Variants in RREB1 observed in about 807,000 individuals in gnomAD.
RREB1 encodes ras responsive element binding protein 1.
A neutral mutation model predicts 117.8 loss-of-function variants in RREB1; 27 were observed. The ratio of observed to expected loss-of-function variants is 0.23; its 90% confidence interval spans 0.17 to 0.32. The LOEUF (loss-of-function observed/expected upper bound fraction) is 0.32. Among genes scored for constraint, RREB1 ranks in the 10% least tolerant of loss-of-function variants. RREB1 has a pLI of 1.00. For missense variants in RREB1, 2,577 were observed against 2,378.2 expected (o/e 1.08, Z -1.74); for synonymous variants, 1,298 against 1,026.7 (o/e 1.26, Z -5.05).
At position 7,231,595 on chromosome 6, in the gene RREB1, A is replaced by G. The variant is rs1158475004; in HGVS notation, c.3496A>G (p.Asn1166Asp). 6.2e-7 allele frequency: 1 copy of G among 1,611,902 alleles called. No homozygotes were observed. Among genetic ancestry groups the G allele is most frequent in the African/African-American group, 1.3e-5 (1 of 74,872 alleles). Reference protein sequence around the residue: ...KRGMRSRPRANSGGVDLDSSG... With the variant: ...KRGMRSRPRADSGGVDLDSSG... ...GGGGATGAGGAGCCGACCCCGCGCC[A>G]ACAGCGGCGGGGTGGACCTGGACTC... Residue 1166 changes from asparagine to aspartate, a missense_variant, in exon 10 of 13, where the codon AAC (asparagine) becomes GAC (aspartate). Coordinates refer to ENST00000379938, the MANE Select transcript of RREB1 (RefSeq NM_001003699.4).
At chr6:7,238,361 C>T (rs532327525) in intron 10 of RREB1, among the ~76,000 whole-genome samples, 58 of 152,304 alleles carry the variant, frequency 3.8e-4, no homozygotes, top group African/African-American at 1.2e-3. Context: ...CCTCAGCCTC[C>T]CCAGTAGCTG....
chr6:7,233,453 G>A (rs1187008711), intron 10 of RREB1, among the ~76,000 whole-genome samples: 5 of 152,116 alleles, frequency 3.3e-5, no homozygotes, highest in African/African-American at 1.2e-4. Flanking sequence ...TTAATAAATA[G>A]ATAGGGCCTA....
At position 7,158,409 on chromosome 6, in the gene RREB1, C is replaced by T. The variant is rs188644730; in HGVS notation, c.-284-18246C>T. Among the ~76,000 whole-genome samples, 800 of 152,260 alleles carry T rather than the reference C, an allele frequency of 5.3e-3. 11 individuals are homozygous for T. The highest frequency in any genetic ancestry group is 0.018 in the African/African-American group (762 of 41,532). ...ACATCACTTTTCTCAGCCTACACCC[C>T]CTACTGCCCCAGACCCAACCCCAAC... On this transcript the variant is annotated intron_variant, in intron 1 of 12. Transcript: ENST00000379938.
intron 6 of RREB1, among the ~76,000 whole-genome samples, chr6:7,190,103 A>G (rs1382303085): frequency 6.6e-6 from 1 of 152,222 alleles, no homozygotes; most frequent in African/African-American, 2.4e-5. Context: ...TATAAACACT[A>G]AAATGAGTTG....
At chr6:7,239,893 C>T (rs1398045304) in intron 10 of RREB1, among the ~76,000 whole-genome samples, 3 of 152,216 alleles carry the variant, frequency 2.0e-5, no homozygotes. Context: ...TGCTCCCGTT[C>T]CCCTGTGGGA....
intron 6 of RREB1, among the ~76,000 whole-genome samples, chr6:7,200,419 G>A (rs139078724): frequency 4.9e-4 from 75 of 151,894 alleles, no homozygotes; most frequent in Middle Eastern, 6.8e-3. Flanking sequence ...ACAGGCATGC[G>A]CCACCATACC....
rs531793725 is a variant in RREB1 at position 7,230,637 on chromosome 6, G to C, written c.2538G>C (p.Glu846Asp). The change falls in exon 10 of 13, where the codon GAG (glutamate) becomes GAC (aspartate). Residue 846 changes from glutamate to aspartate, a missense_variant. Coordinates refer to ENST00000379938, the MANE Select transcript of RREB1 (RefSeq NM_001003699.4). ...CCGCTGAGGCGTCGGGGCGCGGGGAGGACAGTGGCTGCGCTGCCCTTGGTG... is the reference window on the plus strand; with the variant it reads ...CCGCTGAGGCGTCGGGGCGCGGGGACGACAGTGGCTGCGCTGCCCTTGGTG... ...APAAEASGRG[E>D]DSGCAALGDC... The C allele has an allele frequency of 3.7e-6, 6 of 1,603,548 alleles. No homozygotes were observed. In the African/African-American group the frequency reaches 6.7e-5, roughly 18 times the overall value.
intron 6 of RREB1, among the ~76,000 whole-genome samples, chr6:7,195,674 T>TG (rs1195964838): frequency 5.3e-5 from 8 of 152,250 alleles, no homozygotes; most frequent in Non-Finnish European, 8.8e-5. Context: ...TCCCAAGGTC[T>TG]GTTGGCACCT....
chr6:7,208,828 G>T (rs1439242389), intron 6 of RREB1, among the ~76,000 whole-genome samples: 1 of 152,208 alleles, frequency 6.6e-6, no homozygotes, highest in Non-Finnish European at 1.5e-5. Flanking sequence ...CCAGGTTCAG[G>T]TTATATCCTT....
At chr6:7,109,685 C>T (rs1217920705) in intron 1 of RREB1, among the ~76,000 whole-genome samples, 1 of 152,252 alleles carries the variant, frequency 6.6e-6, no homozygotes, top group Non-Finnish European at 1.5e-5. Flanking sequence ...CTCCCTCGCT[C>T]CTTACTGGTT....
intron 1 of RREB1, among the ~76,000 whole-genome samples, chr6:7,132,274 C>G (rs1160175179): frequency 1.3e-5 from 2 of 152,034 alleles, no homozygotes; most frequent in Admixed American, 1.3e-4. Flanking sequence ...AGGCTGGACT[C>G]GAACTCCTGA....
Position 7,182,042 on chromosome 6 carries a change from C to G in RREB1, c.131C>G (p.Ser44Trp). ...GGSPQGIKSP[S>W]KPPGPNRIGR... ...AGCCCCCAGGGGATCAAGTCCCCCT[C>G]GAAGCCTCCAGGACCAAATCGGATT... is the stretch of plus-strand genomic sequence containing the variant. The change falls in exon 4 of 13, where the codon TCG becomes TGG. Residue 44 changes from serine to tryptophan, a missense_variant. Coordinates refer to ENST00000379938, the MANE Select transcript of RREB1 (RefSeq NM_001003699.4). 6.2e-7 allele frequency: 1 copy of G among 1,613,938 alleles called. No individual in the cohort carries two copies. The highest frequency in any genetic ancestry group is 1.3e-5 in the African/African-American group (1 of 74,952).
intron 11 of RREB1, among the ~76,000 whole-genome samples, chr6:7,242,302 C>A (rs532425348): frequency 6.6e-6 from 1 of 152,274 alleles, no homozygotes; most frequent in African/African-American, 2.4e-5. Flanking sequence ...GTCTTAGCTT[C>A]GGTTCAGCAC....
chr6:7,141,366 A>C (rs911606846), intron 1 of RREB1, among the ~76,000 whole-genome samples: 2 of 152,228 alleles, frequency 1.3e-5, no homozygotes, highest in African/African-American at 4.8e-5. Flanking sequence ...CCTAATGAAC[A>C]ACCGGAGCTC....
Position 7,210,882 on chromosome 6 carries a change from G to A in RREB1, c.504G>A (p.Leu168=). ...APPSPLKRRR[L]SSKRKLSHDA... ...CATCTCCTCTGAAACGTAGGCGATT[G>A]TCCTCCAAGAGGAAACTGAGTCACG... The change falls in exon 7 of 13, where the codon TTG becomes TTA. Residue 168 remains leucine, a synonymous_variant. Coordinates refer to ENST00000379938, the MANE Select transcript of RREB1 (RefSeq NM_001003699.4). The A allele has an allele frequency of 6.2e-7, 1 of 1,614,140 alleles. No individual in the cohort carries two copies. Among genetic ancestry groups the A allele is most frequent in the South Asian group, 1.1e-5 (1 of 91,082 alleles).
intron 1 of RREB1, among the ~76,000 whole-genome samples, chr6:7,159,137 T>TA (rs993328932): frequency 1.3e-5 from 2 of 152,178 alleles, no homozygotes; most frequent in African/African-American, 2.4e-5. Context: ...ATTGTTGACT[T>TA]AAATTTAAAA....
intron 8 of RREB1, 66 bp from the exon 9 acceptor site, chr6:7,226,394 GGAAACTC>G (rs1266906589): frequency 1.5e-5 from 17 of 1,129,144 alleles, no homozygotes; most frequent in Non-Finnish European, 1.5e-5. Context: ...CTGGAAGAGT[GGAAACTC>G]TGACTTAACT....
chr6:7,229,486 T>G lies in RREB1; in HGVS notation c.1387T>G (p.Ser463Ala). Residue 463 changes from serine to alanine, a missense_variant, in exon 10 of 13, where the codon TCG becomes GCG. Coordinates refer to ENST00000379938, the MANE Select transcript of RREB1 (RefSeq NM_001003699.4). This position sits in a 1 kb window ranked among gnomAD's most constrained non-coding sequence, Gnocchi z 4.5. ...SIVVKPISGE[S>A]AIELADIQQI... ...TGTGGTCAAGCCCATCTCTGGCGAG[T>G]CGGCCATCGAGCTGGCAGACATCCA... 1.2e-6 allele frequency: 2 copies of G among 1,614,024 alleles called. No individual in the cohort carries two copies.
In RREB1 at chr6:7,229,815, C is replaced by G. The variant is rs1473853378; in HGVS notation, c.1716C>G (p.His572Gln). 2 of 1,610,164 alleles carry G rather than the reference C, an allele frequency of 1.2e-6. No homozygotes were observed. Among genetic ancestry groups the G allele is most frequent in the East Asian group, 2.2e-5 (1 of 44,748 alleles). ...LLQSKSGTQP[H>Q]AATRLSLQQP... Reference sequence around the variant, plus strand: ...AGTCCAAGTCCGGGACCCAGCCCCACGCGGCCACGCGGCTCTCCCTGCAGC... The same window carrying G: ...AGTCCAAGTCCGGGACCCAGCCCCAGGCGGCCACGCGGCTCTCCCTGCAGC... Residue 572 changes from histidine to glutamine, a missense_variant, in exon 10 of 13, where the codon CAC becomes CAG. Coordinates refer to ENST00000379938, the MANE Select transcript of RREB1 (RefSeq NM_001003699.4). The surrounding 1 kb of genome is among the most constrained non-coding windows in gnomAD (Gnocchi z 4.5).
Sources: gnomAD v4.1 joint callset for allele counts (sites outside exome capture counted in the v4.1 genomes callset) on GRCh38, gnomAD v4.1.1 for gene constraint, Gnocchi (gnomAD v3.1) non-coding constraint, MANE v1.5 for transcripts, NCBI Gene and HGNC (gene_info 2026-07-23, HGNC 2026-07-21) for gene names.